Variants in BCHE observed in about 807,000 individuals in gnomAD.
The protein encoded by BCHE is butyrylcholinesterase, also known as cholinesterase.
A neutral mutation model predicts 51.3 loss-of-function variants in BCHE; 48 were observed. The ratio of observed to expected loss-of-function variants is 0.94; its 90% CI spans 0.74 to 1.19. BCHE has a LOEUF of 1.19. Ranked by LOEUF, BCHE falls within the 50% of genes most tolerant of loss-of-function variation. BCHE has a pLI of 0.00. For synonymous variants in BCHE, 251 were observed against 238.0 expected, an observed-to-expected ratio of 1.05 and a Z score of -0.50; for missense variants, 847 against 708.2, an observed-to-expected ratio of 1.20 and a Z score of -2.23.
At chr3:165,810,608 A>T (rs1714055212) in intron 2 of BCHE, among the ~76,000 whole-genome samples, 1 of 152,162 alleles carries the variant, frequency 6.6e-6, no homozygotes, top group Non-Finnish European at 1.5e-5. Context: ...GGAAATATGA[A>T]AACAAACACC....
intron 3 of BCHE, 37 bp downstream of exon 3, chr3:165,786,108 C>A (rs762088324): frequency 6.3e-7 from 1 of 1,589,156 alleles, no homozygotes; most frequent in East Asian, 2.2e-5. Context: ...CATAACCCAT[C>A]ATCTATTAAA....
At chr3:165,790,000 G>A (rs989453188) in intron 2 of BCHE, among the ~76,000 whole-genome samples, 1 of 152,088 alleles carries the variant, frequency 6.6e-6, no homozygotes, top group Non-Finnish European at 1.5e-5. Flanking sequence ...GATACTAGGT[G>A]CTAGTGATAA....
chr3:165,775,205 A>G (rs981516192), intron 3 of BCHE, among the ~76,000 whole-genome samples: 26 of 152,102 alleles, frequency 1.7e-4, no homozygotes, highest in Non-Finnish European at 2.9e-4. Flanking sequence ...AAAAATATTT[A>G]AACCTTTTTG....
At chr3:165,790,895 T>C (rs1032849688) in intron 2 of BCHE, among the ~76,000 whole-genome samples, 3 of 151,732 alleles carry the variant, frequency 2.0e-5, no homozygotes, top group African/African-American at 7.3e-5. Context: ...GGAGGTGAGG[T>C]TGGAGAGGGG....
chr3:165,831,751 C>T (rs1017283137), intron 1 of BCHE, among the ~76,000 whole-genome samples: 3 of 151,972 alleles, frequency 2.0e-5, no homozygotes, highest in Admixed American at 1.3e-4. Flanking sequence ...AAATAAAGAG[C>T]GAAGGCTGAG....
At chr3:165,792,855 A>C (rs1399297446) in intron 2 of BCHE, among the ~76,000 whole-genome samples, 1 of 152,204 alleles carries the variant, frequency 6.6e-6, no homozygotes, top group Non-Finnish European at 1.5e-5. Context: ...ATCTTCCTCC[A>C]AAAACTGCTA....
chr3:165,823,684 A>G (rs577507379), intron 2 of BCHE, among the ~76,000 whole-genome samples: 1 of 152,288 alleles, frequency 6.6e-6, no homozygotes, highest in South Asian at 2.1e-4. Context: ...TTGACGAAAT[A>G]TGTTAAATAT....
chr3:165,791,779 C>T (rs914291552), intron 2 of BCHE, among the ~76,000 whole-genome samples: 4 of 151,856 alleles, frequency 2.6e-5, no homozygotes, highest in Non-Finnish European at 4.4e-5. Flanking sequence ...GTGGTGAAAC[C>T]CCGTCTCTAC....
intron 1 of BCHE, among the ~76,000 whole-genome samples, chr3:165,833,926 C>T (rs543260526): frequency 2.6e-5 from 4 of 152,210 alleles, no homozygotes; most frequent in South Asian, 4.1e-4. Flanking sequence ...TCCCTCTTGC[C>T]TAGCTCAGTC....
At position 165,825,824 on chromosome 3, in the gene BCHE, A is replaced by G. The variant is rs187765645; in HGVS notation, c.1517+3693T>C. On this transcript the variant is annotated intron_variant, in intron 2 of 3. Transcript: ENST00000264381. The stretch of plus-strand genomic sequence containing the variant: ...TTACAAGTCAATGAGAGATAAACCC[A>G]ATAAAAATTGGCAAAAGACTTAAAC... 3.9e-5 allele frequency among the ~76,000 whole-genome samples: 6 copies of G among 152,250 alleles called. No homozygotes were observed. In the East Asian group the frequency reaches 1.2e-3, roughly 29 times the overall value.
chr3:165,810,000 C>T (rs1714032160), intron 2 of BCHE, among the ~76,000 whole-genome samples: 2 of 152,020 alleles, frequency 1.3e-5, no homozygotes, highest in Non-Finnish European at 1.5e-5. Context: ...TCCTAGGAAA[C>T]TTTTATATGT....
rs1354943954 is a variant in BCHE, at chr3:165,829,933, T to C, written c.1101A>G (p.Lys367=). The stretch of plus-strand genomic sequence containing the variant: ...TTCTAGTTATGATACTATTGTTATC[T>C]TTGCTGAAGCCAGGAGCACCATAGA... ...FLVYGAPGFS[K]DNNSIITRKE... is the part of the protein sequence containing the mutation. The change falls in exon 2 of 4, where the codon AAA becomes AAG. Residue 367 remains lysine (K), a synonymous_variant. Coordinates refer to ENST00000264381, the MANE Select transcript of BCHE (RefSeq NM_000055.4). 1.9e-6 allele frequency: 3 copies of C among 1,613,482 alleles called. No individual in the cohort carries two copies. The highest frequency in any genetic ancestry group is 2.5e-6 in the Non-Finnish European group (3 of 1,179,840).
At chr3:165,785,507 A>T (rs1191682154) in intron 3 of BCHE, among the ~76,000 whole-genome samples, 1 of 151,808 alleles carries the variant, frequency 6.6e-6, no homozygotes, top group Non-Finnish European at 1.5e-5. Flanking sequence ...ACAAATTTTC[A>T]TCGTATTTCC....
intron 3 of BCHE, among the ~76,000 whole-genome samples, chr3:165,775,286 G>GA (rs1456918138): frequency 1.3e-5 from 2 of 151,794 alleles, no homozygotes; most frequent in African/African-American, 4.8e-5. Context: ...TTGGACATTG[G>GA]AAAAATATTT....
intron 2 of BCHE, among the ~76,000 whole-genome samples, chr3:165,805,414 G>A (rs1713831064): frequency 6.6e-6 from 1 of 152,148 alleles, no homozygotes. Flanking sequence ...AAATGTGTTA[G>A]TTTGACTAGT....
chr3:165,829,405 A>C (rs1269612540), intron 2 of BCHE, 112 bp downstream of exon 2: 2 of 982,522 alleles, frequency 2.0e-6, no homozygotes, highest in Non-Finnish European at 3.2e-6. Flanking sequence ...AATAGAACAA[A>C]TAATTAAAAC....
chr3:165,785,834 CA>C (rs531479097), intron 3 of BCHE, among the ~76,000 whole-genome samples: 56 of 151,762 alleles, frequency 3.7e-4, no homozygotes, highest in African/African-American at 1.3e-3. Context: ...ATTAATTCCA[CA>C]AAGATTATCT....
At chr3:165,796,883 T>C (rs2108210349) in intron 2 of BCHE, among the ~76,000 whole-genome samples, 1 of 152,252 alleles carries the variant, frequency 6.6e-6, no homozygotes, top group East Asian at 1.9e-4. Flanking sequence ...AAAAGATCTC[T>C]AAGATCTTTA....
chr3:165,829,841 A>T lies in BCHE; in HGVS notation c.1193T>A (p.Leu398His), dbSNP rs1378205676. ...ATCTACCCAGTCTGTGTAATGAAAA[A>T]GGATGGATTCCTTTCCAAACTCACT... ...GVSEFGKESI[L>H]FHYTDWVDDQ... The change falls in exon 2 of 4, where the codon CTT becomes CAT. Residue 398 changes from leucine (L) to histidine (H), a missense_variant. Physicochemically the swap from Leu to His is moderately conservative, Grantham distance 99 (BLOSUM62 -3). Transcript: ENST00000264381. 2 of 1,613,072 alleles carry T rather than the reference A, an allele frequency of 1.2e-6. No homozygotes were observed. Among genetic ancestry groups the T allele is most frequent in the Non-Finnish European group, 1.7e-6 (2 of 1,179,566 alleles).
Sources: allele counts gnomAD v4.1 joint callset (sites outside exome capture counted in the v4.1 genomes callset), GRCh38; gene constraint gnomAD v4.1.1; transcripts MANE v1.5; gene names NCBI Gene and HGNC (gene_info 2026-07-23, HGNC 2026-07-21).